TET2: variants seen among roughly 807,000 people sequenced by gnomAD.
TET2 encodes methylcytosine dioxygenase TET2.
In TET2, 299 loss-of-function variants were observed where a neutral mutation model predicts 142.9. The ratio of observed to expected loss-of-function variants is 2.09; its 90% CI spans 1.90 to 2.30. The LOEUF is 2.30. Among genes scored for constraint, TET2 ranks in the 30% most tolerant of loss-of-function variants. The pLI is 0.00. For missense variants in TET2, 2,418 were observed against 2,378.0 expected (o/e 1.02, Z -0.35); for synonymous variants, 819 against 849.0 (o/e 0.96, Z 0.61).
In TET2 at chr4:105,276,202, TC is replaced by T; in HGVS notation, c.5695del (p.Leu1899SerfsTer9). On this transcript the variant is annotated frameshift_variant, in exon 11 of 11. Transcript: ENST00000380013. LOFTEE classifies it high-confidence loss of function. ...NPNRNHPTRI[S>X]LVFYQHKSMN... ...CAATAGGAATCACCCCACCAGGATC[TC>T]CCTCGTCTTTTACCAGCATAAGAGC... is the stretch of plus-strand genomic sequence containing the variant. 6.4e-7 allele frequency: 1 copy of T among 1,551,618 alleles called. No individual in the cohort carries two copies. Among genetic ancestry groups the T allele is most frequent in the Non-Finnish European group, 8.7e-7 (1 of 1,146,968 alleles).
At chr4:105,200,213 G>T (rs1394216882) in intron 2 of TET2, among the ~76,000 whole-genome samples, 2 of 151,972 alleles carry the variant, frequency 1.3e-5, no homozygotes, top group African/African-American at 4.8e-5. Flanking sequence ...GTTATTTTTT[G>T]ACTTTTTAAT....
At chr4:105,243,479 C>T (rs1360405172) in intron 5 of TET2, 91 bp from the exon 6 acceptor site, 11 of 1,096,340 alleles carry the variant, frequency 1.0e-5, no homozygotes, top group Non-Finnish European at 1.5e-5. Flanking sequence ...ATAAAATATA[C>T]ATACATAAGT....
intron 6 of TET2, among the ~76,000 whole-genome samples, chr4:105,248,596 G>A (rs572830132): frequency 2.0e-5 from 3 of 152,130 alleles, no homozygotes; most frequent in Non-Finnish European, 4.4e-5. Context: ...CCTTTTAGTA[G>A]CCACTTTATT....
In TET2 at chr4:105,234,990, G is replaced by T; in HGVS notation, c.1048G>T (p.Glu350Ter). The stretch of plus-strand genomic sequence containing the variant: ...GGGAACCACAAAGCTAGCGTCTGGT[G>T]AAGAATTCTGTTCAGGTTCCAGCAG... ...IQGTTKLASG[E>*]EFCSGSSSNL... Residue 350 changes from glutamate (E) to a stop codon, truncating the protein, a stop_gained, in exon 3 of 11, where the codon GAA (glutamate) becomes TAA (stop). Transcript: ENST00000380013. LOFTEE classifies it high-confidence loss of function. The T allele has an allele frequency of 6.2e-7, 1 of 1,613,990 alleles. No individual in the cohort carries two copies. Among genetic ancestry groups the T allele is most frequent in the African/African-American group, 1.3e-5 (1 of 74,948 alleles).
intron 1 of TET2, among the ~76,000 whole-genome samples, chr4:105,178,603 G>C (rs565623035): frequency 4.6e-5 from 7 of 152,306 alleles, no homozygotes; most frequent in African/African-American, 1.7e-4. Flanking sequence ...AGGTTTATCA[G>C]TTGTAACAAA....
chr4:105,234,361 A>G lies in TET2; in HGVS notation c.419A>G (p.Asn140Ser), dbSNP rs1401547490. 3 of 1,614,076 alleles carry G rather than the reference A, an allele frequency of 1.9e-6. No individual in the cohort carries two copies. The highest frequency in any genetic ancestry group is 3.3e-5 in the Admixed American group (2 of 60,006). ...AATCCAGGTGAAAGCAGTCAACCAA[A>G]TGTCTCCGATTTGAGTGATAAGAAA... The part of the protein sequence containing the change: ...ERNPGESSQP[N>S]VSDLSDKKES... The change falls in exon 3 of 11, where the codon AAT (asparagine) becomes AGT (serine). Residue 140 changes from asparagine (N) to serine (S), a missense_variant. Transcript: ENST00000380013.
intron 1 of TET2, among the ~76,000 whole-genome samples, chr4:105,184,596 T>G (rs1056729784): frequency 6.6e-6 from 1 of 152,224 alleles, no homozygotes; most frequent in Non-Finnish European, 1.5e-5. Context: ...TCTTAAAACT[T>G]TGACTACTGT....
At chr4:105,238,050 G>A (rs1729060028) in intron 3 of TET2, 3 of 509,504 alleles carry the variant, frequency 5.9e-6, no homozygotes, top group South Asian at 9.3e-5. Flanking sequence ...AAAGCAAGTT[G>A]TAAGGACTTT....
intron 1 of TET2, chr4:105,172,340 A>G (rs145210307): frequency 1.3e-5 from 2 of 152,356 alleles, no homozygotes; most frequent in African/African-American, 4.8e-5. Flanking sequence ...ATTGTGTACT[A>G]TATTCTTACA....
In TET2 at chr4:105,235,653, C is replaced by G. The variant is rs1472426057; in HGVS notation, c.1711C>G (p.Arg571Gly). The G allele has an allele frequency of 6.2e-7, 1 of 1,614,040 alleles. No individual in the cohort carries two copies. The highest frequency in any genetic ancestry group is 8.5e-7 in the Non-Finnish European group (1 of 1,180,016). ...AGGATGGATTGAATTGAAGGCCCCT[C>G]GTTTTCACCAAGCGGAATCCCATCT... ...KPGWIELKAP[R>G]FHQAESHLKR... The change falls in exon 3 of 11, where the codon CGT becomes GGT. Residue 571 changes from arginine to glycine, a missense_variant. By Grantham distance (125) the Arg-to-Gly change is moderately radical. Coordinates refer to ENST00000380013, the MANE Select transcript of TET2 (RefSeq NM_001127208.3).
intron 6 of TET2, among the ~76,000 whole-genome samples, chr4:105,252,739 GTTATC>G (rs1430019597): frequency 6.6e-6 from 1 of 152,142 alleles, no homozygotes; most frequent in East Asian, 1.9e-4. Flanking sequence ...TATGTTCTGT[GTTATC>G]TTCCAGAAAT....
At chr4:105,205,718 G>A (rs531657191) in intron 2 of TET2, among the ~76,000 whole-genome samples, 262 of 152,034 alleles carry the variant, frequency 1.7e-3, no homozygotes, top group African/African-American at 5.7e-3. Context: ...TGCAACCTCC[G>A]CCTCCCGGTT....
At position 105,237,304 on chromosome 4, in the gene TET2, A is replaced by C; in HGVS notation, c.3362A>C (p.Asp1121Ala). 1 of 1,614,170 alleles carries C rather than the reference A, an allele frequency of 6.2e-7. No homozygotes were observed. The highest frequency in any genetic ancestry group is 8.5e-7 in the Non-Finnish European group (1 of 1,179,992). ...LLDTPIKNLL[D>A]TPVKTQYDFP... ...GATACTCCTATAAAAAATTTATTGG[A>C]TACACCTGTCAAGACTCAATATGAT... is the stretch of plus-strand genomic sequence containing the variant. Residue 1121 changes from aspartate to alanine, a missense_variant, in exon 3 of 11, where the codon GAT becomes GCT. Physicochemically the swap from Asp to Ala is moderately radical, Grantham distance 126. Transcript: ENST00000380013.
At position 105,240,452 on chromosome 4, in the gene TET2, C is replaced by A. The variant is rs1729230644; in HGVS notation, c.3410-887C>A. 34 of 1,075,562 alleles carry A rather than the reference C, an allele frequency of 3.2e-5. No individual in the cohort carries two copies. The East Asian group carries it at 1.6e-3, about 52-fold the overall frequency. 66.6% of individuals were successfully genotyped at this position (1,075,562 alleles called of 1,614,324 possible). A position where few individuals can be genotyped will look rare whatever the true frequency, so the allele number is the denominator to read the frequency against. Reference sequence around the variant, plus strand: ...GAAGATCTTAATTATAGCTATGCAGCATAGATTTAGTCAAAGACATTTGAA... The same window carrying A: ...GAAGATCTTAATTATAGCTATGCAGAATAGATTTAGTCAAAGACATTTGAA... On this transcript the variant is annotated intron_variant, in intron 3 of 10. Coordinates refer to ENST00000380013, the MANE Select transcript of TET2 (RefSeq NM_001127208.3).
intron 8 of TET2, among the ~76,000 whole-genome samples, chr4:105,263,563 A>G (rs1274864730): frequency 6.6e-6 from 1 of 152,192 alleles, no homozygotes; most frequent in East Asian, 1.9e-4. Context: ...TTGGTAAGAA[A>G]TAGTAAGTTT....
Position 105,276,413 on chromosome 4 carries a change from T to A in TET2, c.5903T>A (p.Ile1968Asn). The A allele has an allele frequency of 2.6e-6, 4 of 1,551,936 alleles. No homozygotes were observed. The highest frequency in any genetic ancestry group is 3.5e-6 in the Non-Finnish European group (4 of 1,147,028). ...TCAGAGCCCACTTACCTGCGTTTCA[T>A]CAAGTCTCTTGCCGAAAGGACCATG... ...ETSEPTYLRF[I>N]KSLAERTMSV... The change falls in exon 11 of 11, where the codon ATC becomes AAC. Residue 1968 changes from isoleucine to asparagine, a missense_variant. By Grantham distance (149) the Ile-to-Asn change is moderately radical. Coordinates refer to ENST00000380013, the MANE Select transcript of TET2 (RefSeq NM_001127208.3).
At chr4:105,160,872 G>A (rs536192325) in intron 1 of TET2, among the ~76,000 whole-genome samples, 9 of 152,204 alleles carry the variant, frequency 5.9e-5, no homozygotes, top group African/African-American at 2.2e-4. Flanking sequence ...CGCCTCCTGG[G>A]TTCCAGCAAT....
rs761911902 is a variant in TET2 at position 105,235,840 on chromosome 4, T to C, written c.1898T>C (p.Met633Thr). The part of the protein sequence containing the change: ...KTTQLEHKSQ[M>T]YQVEMNQGQS... ...ACACAGCTGGAGCACAAGTCACAAA[T>C]GTACCAAGTTGAAATGAATCAAGGG... The change falls in exon 3 of 11, where the codon ATG becomes ACG. Residue 633 changes from methionine (M) to threonine (T), a missense_variant. Met to Thr is a moderately conservative substitution (Grantham distance 81). Transcript: ENST00000380013. 1 of 1,613,946 alleles carries C rather than the reference T, an allele frequency of 6.2e-7. No individual in the cohort carries two copies. Among genetic ancestry groups the C allele is most frequent in the Non-Finnish European group, 8.5e-7 (1 of 1,179,960 alleles).
chr4:105,242,905 A>T lies in TET2; in HGVS notation c.3572A>T (p.Gln1191Leu). Residue 1191 changes from glutamine (Q) to leucine (L), a missense_variant, in exon 5 of 11, where the codon CAG (glutamine) becomes CTG (leucine). Transcript: ENST00000380013. ...ACTGGTAAAGAAGGCAAAAGTTCTC[A>T]GGGATGTCCTATTGCTAAGTGGGTA... ...IYTGKEGKSS[Q>L]GCPIAKWVVR... is the part of the protein sequence containing the mutation. The T allele has an allele frequency of 6.4e-7, 1 of 1,551,264 alleles. No homozygotes were observed. The highest frequency in any genetic ancestry group is 8.7e-7 in the Non-Finnish European group (1 of 1,146,680).
Sources: gnomAD v4.1 joint callset for allele counts (sites outside exome capture counted in the v4.1 genomes callset) on GRCh38, gnomAD v4.1.1 for gene constraint, MANE v1.5 for transcripts, NCBI Gene and HGNC (gene_info 2026-07-23, HGNC 2026-07-21) for gene names.